The following UTRN variants were observed in gnomAD, a reference collection of about 807,000 sequenced individuals.
UTRN encodes utrophin, also known as dystrophin-related protein 1.
In UTRN, 283 loss-of-function variants were observed where a neutral mutation model predicts 463.9. The observed-to-expected ratio is 0.61, with a 90% CI of 0.55 to 0.67. The LOEUF is 0.67. Among genes scored for constraint, UTRN ranks in the 30% least tolerant of loss-of-function variants. UTRN has a pLI of 0.00. For synonymous variants in UTRN, 1,442 were observed against 1,431.5 expected, an observed-to-expected ratio of 1.01 and a Z score of -0.17; for missense variants, 3,922 against 4,084.3, an observed-to-expected ratio of 0.96 and a Z score of 1.08.
chr6:144,709,359 T>C (rs1171540879), intron 53 of UTRN, among the ~76,000 whole-genome samples: 1 of 152,180 alleles, frequency 6.6e-6, no homozygotes, highest in Non-Finnish European at 1.5e-5. Flanking sequence ...TATTATAAAT[T>C]CTGTTAGTAT....
In UTRN at chr6:144,477,663, T is replaced by C. The variant is rs75085567; in HGVS notation, c.3337-2149T>C. ...CATGATTTTCCAAGCATGAAGGCAT[T>C]CTTCTGCAAAACCACAATACTATGA... On this transcript the variant is annotated intron_variant, in intron 25 of 74. Coordinates refer to ENST00000367545, the MANE Select transcript of UTRN (RefSeq NM_007124.3). Among the ~76,000 whole-genome samples, 582 of 152,226 alleles carry C rather than the reference T, an allele frequency of 3.8e-3. 1 individual carries two copies. Among genetic ancestry groups the C allele is most frequent in the African/African-American group, 0.013 (553 of 41,532 alleles).
chr6:144,707,249 G>C (rs1258840120), intron 53 of UTRN, among the ~76,000 whole-genome samples: 4 of 151,936 alleles, frequency 2.6e-5, no homozygotes, highest in Non-Finnish European at 4.4e-5. Context: ...ACCAATTTTT[G>C]TTCCCAGTTG....
Position 144,445,452 on chromosome 6 carries a change from T to C in UTRN, c.1614+1070T>C, listed in dbSNP as rs1787577002. Among the ~76,000 whole-genome samples, 6 of 151,774 alleles carry C rather than the reference T, an allele frequency of 4.0e-5. No homozygotes were observed. In the South Asian group the frequency reaches 1.2e-3, roughly 32 times the overall value. ...CATTTCCATCTATAAGAAGCAACTA[T>C]ATTCTCTTCAGGGGAAAAAACTCAA... is the stretch of plus-strand genomic sequence containing the variant. On this transcript the variant is annotated intron_variant, in intron 14 of 74. Coordinates refer to ENST00000367545, the MANE Select transcript of UTRN (RefSeq NM_007124.3).
chr6:144,484,497 C>T (rs1400099360), intron 27 of UTRN, among the ~76,000 whole-genome samples: 1 of 119,608 alleles, frequency 8.4e-6, no homozygotes, highest in African/African-American at 3.4e-5. Flanking sequence ...GGCTGGAGGG[C>T]AGTGGCGTGG....
In UTRN at chr6:144,370,676, C is replaced by T. The variant is rs377675200; in HGVS notation, c.80-32447C>T. 1.6e-3 allele frequency among the ~76,000 whole-genome samples: 240 copies of T among 152,252 alleles called. 2 individuals are homozygous for T. The highest frequency in any genetic ancestry group is 5.5e-3 in the African/African-American group (230 of 41,544). ...TGGTAGATCCACTGACAGCTAACAT[C>T]GTGCACCTGGAAAAGCCACAGACAA... On this transcript the variant is annotated intron_variant, in intron 2 of 74. Coordinates refer to ENST00000367545, the MANE Select transcript of UTRN (RefSeq NM_007124.3).
At chr6:144,710,935 T>A (rs889007670) in intron 53 of UTRN, among the ~76,000 whole-genome samples, 1 of 152,198 alleles carries the variant, frequency 6.6e-6, no homozygotes, top group African/African-American at 2.4e-5. Context: ...CACTCATTAT[T>A]TTTTTCGTGT....
At chr6:144,422,876 C>T (rs1784956963) in intron 4 of UTRN, among the ~76,000 whole-genome samples, 1 of 152,186 alleles carries the variant, frequency 6.6e-6, no homozygotes, top group South Asian at 2.1e-4. Context: ...TGTGGGATGT[C>T]ATTCTCTCTC....
At chr6:144,783,888 A>G (rs1431834039) in intron 61 of UTRN, among the ~76,000 whole-genome samples, 3 of 152,198 alleles carry the variant, frequency 2.0e-5, no homozygotes, top group Admixed American at 6.5e-5. Flanking sequence ...GGGATTTGCG[A>G]TATCTCTGTC....
At chr6:144,694,674 G>C (rs1053641062) in intron 52 of UTRN, among the ~76,000 whole-genome samples, 10 of 152,144 alleles carry the variant, frequency 6.6e-5, no homozygotes, top group Non-Finnish European at 1.3e-4. Context: ...TAGTTTATGT[G>C]CATAGAGGTG....
intron 50 of UTRN, among the ~76,000 whole-genome samples, chr6:144,562,734 TG>T (rs1315094348): frequency 6.6e-6 from 1 of 152,168 alleles, no homozygotes; most frequent in Admixed American, 6.6e-5. Context: ...ATGGGATTGG[TG>T]GGTAGAATGG....
chr6:144,806,143 A>G (rs1778127289), intron 65 of UTRN, among the ~76,000 whole-genome samples: 1 of 152,188 alleles, frequency 6.6e-6, no homozygotes, highest in Non-Finnish European at 1.5e-5. Context: ...TGGCTTTACA[A>G]AATACCTAAA....
chr6:144,384,554 G>C (rs6909044), intron 2 of UTRN, among the ~76,000 whole-genome samples: 1 of 151,898 alleles, frequency 6.6e-6, no homozygotes, highest in African/African-American at 2.4e-5. Flanking sequence ...GTTAGGGACC[G>C]CCACATTAAA....
At chr6:144,681,975 T>G (rs964193754) in intron 52 of UTRN, among the ~76,000 whole-genome samples, 2 of 152,224 alleles carry the variant, frequency 1.3e-5, no homozygotes, top group African/African-American at 4.8e-5. Context: ...ATTTATCTTT[T>G]GTGTTACAAA....
chr6:144,727,657 G>A (rs1311042892), intron 53 of UTRN, among the ~76,000 whole-genome samples: 1 of 152,208 alleles, frequency 6.6e-6, no homozygotes, highest in Non-Finnish European at 1.5e-5. Context: ...TACTCAGGAG[G>A]CTGAGGCGGG....
rs138478432 is a variant in UTRN, at chr6:144,491,050, A to C, written c.4385A>C (p.Asp1462Ala). 595 of 1,613,978 alleles carry C rather than the reference A, an allele frequency of 3.7e-4. 2 individuals carry two copies. Among genetic ancestry groups the C allele is most frequent in the East Asian group, 2.2e-4 (10 of 44,880 alleles). ...GTGAAAGCAGAACTTCACGTTCTGG[A>C]TGTGAAGGACGTAGACCCTGACGTC... ...DGVKAELHVL[D>A]VKDVDPDVIQ... The change falls in exon 32 of 75, where the codon GAT (aspartate) becomes GCT (alanine). Residue 1462 changes from aspartate (D) to alanine (A), a missense_variant. Physicochemically the swap from Asp to Ala is moderately radical, Grantham distance 126. Coordinates refer to ENST00000367545, the MANE Select transcript of UTRN (RefSeq NM_007124.3).
intron 29 of UTRN, among the ~76,000 whole-genome samples, chr6:144,488,159 C>T: frequency 6.6e-6 from 1 of 152,118 alleles, no homozygotes; most frequent in East Asian, 1.9e-4. Flanking sequence ...CTTCCAAACA[C>T]ATATTAAATA....
At chr6:144,563,795 A>G (rs1800144520) in intron 50 of UTRN, among the ~76,000 whole-genome samples, 1 of 152,190 alleles carries the variant, frequency 6.6e-6, no homozygotes, top group African/African-American at 2.4e-5. Context: ...CGTTGTTTTA[A>G]TATTTCAAGT....
chr6:144,542,177 G>T (rs886847178), intron 45 of UTRN, among the ~76,000 whole-genome samples: 1 of 152,140 alleles, frequency 6.6e-6, no homozygotes, highest in Non-Finnish European at 1.5e-5. Context: ...CCTAAGAATT[G>T]ATATAGAAAG....
intron 55 of UTRN, among the ~76,000 whole-genome samples, chr6:144,750,284 T>C (rs1472543257): frequency 1.3e-5 from 2 of 152,098 alleles, no homozygotes; most frequent in Admixed American, 1.3e-4. Context: ...TGTTTTTCTG[T>C]GTGTGCACAT....
Sources: allele counts gnomAD v4.1 joint callset (sites outside exome capture counted in the v4.1 genomes callset), GRCh38; gene constraint gnomAD v4.1.1; transcripts MANE v1.5; gene names NCBI Gene and HGNC (gene_info 2026-07-23, HGNC 2026-07-21).